Variants in CPA6 observed in about 807,000 individuals in gnomAD.
The protein encoded by CPA6 is carboxypeptidase B.
In CPA6, 58 loss-of-function variants were observed where a neutral mutation model predicts 63.3. The ratio of observed to expected loss-of-function variants is 0.92; its 90% confidence interval spans 0.74 to 1.14. The LOEUF (loss-of-function observed/expected upper bound fraction) is 1.14, where lower values mean the gene tolerates loss of function less well. CPA6 is among the 50% of genes most tolerant of loss of function. CPA6 has a pLI of 0.00. For missense variants in CPA6, 565 were observed against 526.6 expected (o/e 1.07, Z -0.71); for synonymous variants, 185 against 179.0 (o/e 1.03, Z -0.27).
rs1022296946 is a variant in CPA6, at chr8:67,610,925, A to T, written c.192+13251T>A. 2.0e-5 allele frequency among the ~76,000 whole-genome samples: 3 copies of T among 152,178 alleles called. No homozygotes were observed. In the East Asian group the frequency reaches 5.8e-4, roughly 29 times the overall value. ...TGGGATAATGCCAACCTGTCTTTAA[A>T]CTATGAGGATTACATTAAATAACAT... On this transcript the variant is annotated intron_variant, in intron 2 of 10. Transcript: ENST00000297770.
intron 10 of CPA6, among the ~76,000 whole-genome samples, chr8:67,425,654 G>T (rs767977232): frequency 6.6e-6 from 1 of 152,202 alleles, no homozygotes; most frequent in African/African-American, 2.4e-5. Context: ...GATTATAGGC[G>T]TGAGCCACTG....
At chr8:67,580,059 C>T (rs952001025) in intron 2 of CPA6, among the ~76,000 whole-genome samples, 2 of 152,290 alleles carry the variant, frequency 1.3e-5, no homozygotes, top group African/African-American at 2.4e-5. Context: ...TTATTGTCCA[C>T]CTTCCTCCAC....
At chr8:67,494,204 G>T (rs1246992205) in intron 6 of CPA6, among the ~76,000 whole-genome samples, 2 of 151,038 alleles carry the variant, frequency 1.3e-5, no homozygotes. Flanking sequence ...TGTCCATGCT[G>T]GTTTTTTTTT....
At chr8:67,655,491 C>T (rs1815962815) in intron 1 of CPA6, among the ~76,000 whole-genome samples, 1 of 152,046 alleles carries the variant, frequency 6.6e-6, no homozygotes, top group South Asian at 2.1e-4. Flanking sequence ...AATCCTAAAC[C>T]CCTGATATGG....
At chr8:67,726,157 G>A (rs1817592736) in intron 1 of CPA6, among the ~76,000 whole-genome samples, 1 of 152,170 alleles carries the variant, frequency 6.6e-6, no homozygotes, top group Non-Finnish European at 1.5e-5. Context: ...TTATTCAGAA[G>A]CTCTTTTTCT....
intron 8 of CPA6, among the ~76,000 whole-genome samples, chr8:67,436,819 G>T (rs561125057): frequency 1.6e-4 from 24 of 152,276 alleles, no homozygotes; most frequent in Non-Finnish European, 2.9e-4. Context: ...GCCATATGAG[G>T]CCACTAATGT....
chr8:67,556,571 C>G (rs1308143130), intron 2 of CPA6, among the ~76,000 whole-genome samples: 4 of 152,142 alleles, frequency 2.6e-5, no homozygotes, highest in African/African-American at 9.7e-5. Flanking sequence ...CTCCTGGGGC[C>G]AACCCTCACT....
intron 2 of CPA6, among the ~76,000 whole-genome samples, chr8:67,610,408 A>G (rs549488103): frequency 6.6e-6 from 1 of 152,098 alleles, no homozygotes; most frequent in Non-Finnish European, 1.5e-5. Flanking sequence ...AAAAAATACC[A>G]TACTCATTGT....
intron 4 of CPA6, among the ~76,000 whole-genome samples, chr8:67,510,406 A>ATGTGTGTGTG (rs71554609): frequency 5.3e-5 from 8 of 150,376 alleles, no homozygotes; most frequent in African/African-American, 1.9e-4. Context: ...AGCAGGATAT[A>ATGTGTGTGTG]TGTGTGTGTG....
At chr8:67,494,753 A>G (rs990997345) in intron 6 of CPA6, among the ~76,000 whole-genome samples, 4 of 152,232 alleles carry the variant, frequency 2.6e-5, no homozygotes, top group Non-Finnish European at 4.4e-5. Flanking sequence ...CAGGACCTCA[A>G]TGGTGTACTT....
chr8:67,597,152 C>A (rs1035593320), intron 2 of CPA6, among the ~76,000 whole-genome samples: 1 of 150,610 alleles, frequency 6.6e-6, no homozygotes, highest in African/African-American at 2.4e-5. Flanking sequence ...TTTTTCCTTC[C>A]TTTCTGAAAC....
chr8:67,653,391 A>C (rs989458194), intron 1 of CPA6, among the ~76,000 whole-genome samples: 75 of 152,130 alleles, frequency 4.9e-4, no homozygotes, highest in African/African-American at 8.9e-4. Context: ...ATGTTCTTCC[A>C]TTTGTTTGTA....
chr8:67,505,117 T>C (rs751576835), intron 6 of CPA6, among the ~76,000 whole-genome samples: 6 of 152,158 alleles, frequency 3.9e-5, no homozygotes, highest in South Asian at 2.1e-4. Context: ...GCTCTACAGA[T>C]TGTGTACTAT....
At chr8:67,527,432 G>T (rs114591841) in intron 2 of CPA6, among the ~76,000 whole-genome samples, 3,815 of 152,182 alleles carry the variant, frequency 0.025, 148 homozygotes, top group African/African-American at 0.085. Flanking sequence ...TTCCCAACTT[G>T]GGAAATGAAA....
intron 1 of CPA6, among the ~76,000 whole-genome samples, chr8:67,658,591 C>T (rs1011312972): frequency 6.6e-6 from 1 of 152,108 alleles, no homozygotes; most frequent in Non-Finnish European, 1.5e-5. Flanking sequence ...CATTTATCTC[C>T]ACATCAAACC....
At chr8:67,722,352 C>A (rs143092151) in intron 1 of CPA6, among the ~76,000 whole-genome samples, 30 of 152,256 alleles carry the variant, frequency 2.0e-4, no homozygotes, top group African/African-American at 7.2e-4. Flanking sequence ...TTTCTGGATA[C>A]TCCAATTCAG....
chr8:67,493,330 G>T (rs1811644948), intron 6 of CPA6, among the ~76,000 whole-genome samples: 1 of 152,146 alleles, frequency 6.6e-6, no homozygotes, highest in Middle Eastern at 3.2e-3. Flanking sequence ...GAGACTGAAA[G>T]AAATGATTAT....
intron 8 of CPA6, among the ~76,000 whole-genome samples, chr8:67,436,119 C>A (rs768389755): frequency 1.3e-5 from 2 of 152,144 alleles, no homozygotes; most frequent in Admixed American, 1.3e-4. Context: ...TAACAACTGT[C>A]CCCTCACCCA....
intron 8 of CPA6, among the ~76,000 whole-genome samples, chr8:67,462,980 T>C (rs10081557): frequency 0.12 from 18,190 of 152,216 alleles, 1,188 homozygotes; most frequent in East Asian, 0.24. Context: ...TAAAGCCTCA[T>C]AGTGGTAACA....
Sources: gnomAD v4.1 joint callset for allele counts (sites outside exome capture counted in the v4.1 genomes callset) on GRCh38, gnomAD v4.1.1 for gene constraint, MANE v1.5 for transcripts, NCBI Gene and HGNC (gene_info 2026-07-23, HGNC 2026-07-21) for gene names.